Variants in SHANK2 observed in about 807,000 individuals in gnomAD.
SHANK2 encodes SH3 and multiple ankyrin repeat domains protein 2.
Under a neutral mutation model 133.7 loss-of-function variants are expected in SHANK2, and 43 were observed. That is an observed-to-expected ratio of 0.32 (90% CI 0.25 to 0.41). The LOEUF is 0.41. Ranked by LOEUF, SHANK2 falls within the 10% of genes least tolerant of loss-of-function variation. The probability of loss-of-function intolerance (pLI) is 1.00; values close to 1 mark genes in which losing one functional copy is unlikely to be tolerated. For synonymous variants in SHANK2, 1,017 were observed against 952.8 expected, an observed-to-expected ratio of 1.07 and a Z score of -1.24; for missense variants, 1,994 against 2,235.8, an observed-to-expected ratio of 0.89 and a Z score of 2.18.
At chr11:70,532,977 C>T (rs886805470) in intron 17 of SHANK2, among the ~76,000 whole-genome samples, 3 of 152,290 alleles carry the variant, frequency 2.0e-5, no homozygotes, top group South Asian at 4.1e-4. Flanking sequence ...AGACATGATG[C>T]TGAATGAAAG....
Position 70,582,900 on chromosome 11 carries a change from C to T in SHANK2, c.2061+76928G>A, listed in dbSNP as rs138843222. On this transcript the variant is annotated intron_variant, in intron 17 of 25. Coordinates refer to ENST00000601538, the MANE Select transcript of SHANK2 (RefSeq NM_012309.5). ...GGGTGTGCGTGTCTGATGAGCAGGA[C>T]CCTCAGGTGTTGGTGAGGTCTGAGA... is the stretch of plus-strand genomic sequence containing the variant. 2.2e-4 allele frequency among the ~76,000 whole-genome samples: 34 copies of T among 152,250 alleles called. No homozygotes were observed. In the East Asian group the frequency reaches 6.4e-3, roughly 29 times the overall value.
intron 13 of SHANK2, among the ~76,000 whole-genome samples, chr11:70,800,407 A>C (rs187786359): frequency 9.8e-5 from 15 of 152,326 alleles, no homozygotes; most frequent in African/African-American, 3.4e-4. Context: ...AGCAAGGAGG[A>C]AAACAATCTG....
intron 9 of SHANK2, among the ~76,000 whole-genome samples, chr11:71,065,583 T>C (rs1236253343): frequency 6.3e-5 from 6 of 94,826 alleles, no homozygotes; most frequent in South Asian, 8.4e-4. Context: ...GCAGAACTCT[T>C]CCAGAGAGAT....
At chr11:71,088,457 C>G (rs1163233653) in intron 8 of SHANK2, among the ~76,000 whole-genome samples, 1 of 152,164 alleles carries the variant, frequency 6.6e-6, no homozygotes, top group Non-Finnish European at 1.5e-5. Flanking sequence ...GAATCACCGA[C>G]TTTGAGTTGA....
chr11:70,643,748 T>C (rs1327478936), intron 17 of SHANK2, among the ~76,000 whole-genome samples: 3 of 152,198 alleles, frequency 2.0e-5, no homozygotes, highest in Non-Finnish European at 4.4e-5. Flanking sequence ...GCTCCTGCCA[T>C]GTGCTGGGTG....
rs1311775552 is a variant in SHANK2, at chr11:70,569,805, C to T, written c.2062-66874G>A. ...TGTGATGCTGGCAGATGTGTGAGCA[C>T]GGAGGGGGTTCCTCAGCCCGGGAAA... On this transcript the variant is annotated intron_variant, in intron 17 of 25. Coordinates refer to ENST00000601538, the MANE Select transcript of SHANK2 (RefSeq NM_012309.5). This position sits in a 1 kb window ranked among gnomAD's most constrained non-coding sequence, Gnocchi z 5.1. Among the ~76,000 whole-genome samples the T allele has an allele frequency of 4.6e-5, 7 of 151,958 alleles. No homozygotes were observed. The highest frequency in any genetic ancestry group is 1.3e-4 in the Admixed American group (2 of 15,260).
At chr11:70,917,858 G>A (rs1555080095) in intron 10 of SHANK2, among the ~76,000 whole-genome samples, 1 of 152,120 alleles carries the variant, frequency 6.6e-6, no homozygotes, top group Non-Finnish European at 1.5e-5. Context: ...CTTTCAGGGG[G>A]GTGGAGGGTG....
At chr11:71,162,099 A>G (rs1380788177) in intron 2 of SHANK2, among the ~76,000 whole-genome samples, 4 of 152,218 alleles carry the variant, frequency 2.6e-5, no homozygotes, top group African/African-American at 9.6e-5. Flanking sequence ...TGGTGAATTA[A>G]CCAATGAACT....
chr11:70,951,480 CAT>C (rs1950840590), intron 10 of SHANK2, among the ~76,000 whole-genome samples: 1 of 146,758 alleles, frequency 6.8e-6, no homozygotes, highest in African/African-American at 2.6e-5. Context: ...CTGGTTGCTG[CAT>C]GGTGACATCA....
chr11:71,214,712 C>T (rs530496437), intron 2 of SHANK2, among the ~76,000 whole-genome samples: 10 of 152,284 alleles, frequency 6.6e-5, no homozygotes, highest in South Asian at 6.2e-4. Context: ...ACACATCTGT[C>T]GCGTGCCACC....
chr11:70,622,070 C>T (rs573442557), intron 17 of SHANK2, among the ~76,000 whole-genome samples: 25 of 152,288 alleles, frequency 1.6e-4, no homozygotes, highest in Admixed American at 1.2e-3. Context: ...GCCCCAGGCA[C>T]ATTGGGGCAA....
chr11:70,658,766 C>T (rs536502764), intron 17 of SHANK2, among the ~76,000 whole-genome samples: 73 of 152,306 alleles, frequency 4.8e-4, no homozygotes, highest in African/African-American at 1.6e-3. Flanking sequence ...CCTCTCACCA[C>T]GGGTGGAGAT....
chr11:70,497,374 GAAGGGGATT>G (rs1433313682), intron 21 of SHANK2, among the ~76,000 whole-genome samples: 1 of 152,224 alleles, frequency 6.6e-6, no homozygotes, highest in African/African-American at 2.4e-5. Flanking sequence ...GACTCTGGAT[GAAGGGGATT>G]AGTGAATCTG....
At chr11:71,172,990 G>C (rs533392267) in intron 2 of SHANK2, among the ~76,000 whole-genome samples, 1 of 152,244 alleles carries the variant, frequency 6.6e-6, no homozygotes, top group African/African-American at 2.4e-5. Context: ...CCATTGGGCT[G>C]CTGGAGGCTG....
At chr11:70,767,598 C>T (rs1224977059) in intron 14 of SHANK2, among the ~76,000 whole-genome samples, 6 of 152,004 alleles carry the variant, frequency 3.9e-5, no homozygotes, top group Non-Finnish European at 8.8e-5. Context: ...GTGAAGGATG[C>T]CAGTCACAAA....
At chr11:70,525,353 CTG>C (rs1427214972) in intron 17 of SHANK2, among the ~76,000 whole-genome samples, 32 of 152,216 alleles carry the variant, frequency 2.1e-4, no homozygotes, top group African/African-American at 7.7e-4. Context: ...GGAACAGACT[CTG>C]TGGGTGGCAG....
chr11:71,189,243 G>A (rs964126162), intron 2 of SHANK2, among the ~76,000 whole-genome samples: 10 of 152,204 alleles, frequency 6.6e-5, no homozygotes, highest in African/African-American at 2.2e-4. Flanking sequence ...CCCAGACCCC[G>A]TTCTGTTCCA....
At chr11:70,839,446 C>T (rs1475172333) in intron 11 of SHANK2, among the ~76,000 whole-genome samples, 6 of 152,134 alleles carry the variant, frequency 3.9e-5, no homozygotes, top group Admixed American at 6.5e-5. Flanking sequence ...GTAGAGAGGG[C>T]GGGTACGTCA....
intron 17 of SHANK2, among the ~76,000 whole-genome samples, chr11:70,649,041 G>A (rs555091164): frequency 6.6e-6 from 1 of 152,172 alleles, no homozygotes. Flanking sequence ...GACAGGAGGG[G>A]TGTGGCACAT....
Sources: gnomAD v4.1 joint callset for allele counts (sites outside exome capture counted in the v4.1 genomes callset) on GRCh38, gnomAD v4.1.1 for gene constraint, Gnocchi (gnomAD v3.1) non-coding constraint, MANE v1.5 for transcripts, NCBI Gene and HGNC (gene_info 2026-07-23, HGNC 2026-07-21) for gene names.